Variants in PTPN1 observed in about 807,000 individuals in gnomAD.
The protein encoded by PTPN1 is tyrosine-protein phosphatase non-receptor type 1.
In PTPN1, 12 loss-of-function variants were observed where a neutral mutation model predicts 59.9. That is an observed-to-expected ratio of 0.20 (90% CI 0.13 to 0.32). PTPN1 has a LOEUF of 0.32. Among genes scored for constraint, PTPN1 ranks in the 10% least tolerant of loss-of-function variants. The pLI is 1.00. For missense variants in PTPN1, 356 were observed against 549.2 expected, an observed-to-expected ratio of 0.65 and a Z score of 3.52; for synonymous variants, 178 against 203.6, an observed-to-expected ratio of 0.87 and a Z score of 1.07.
chr20:50,580,453 A>T (rs1019449879), intron 8 of PTPN1, among the ~76,000 whole-genome samples: 2 of 152,202 alleles, frequency 1.3e-5, no homozygotes, highest in African/African-American at 4.8e-5. Flanking sequence ...GTTCTAGACC[A>T]TCTTGCTGGG....
At chr20:50,570,852 C>T (rs1568794140) in intron 4 of PTPN1, 1 of 152,334 alleles carries the variant, frequency 6.6e-6, no homozygotes, top group East Asian at 1.9e-4. Context: ...GTCTAGACTC[C>T]AGACTTTGTC....
chr20:50,525,325 T>C (rs969622930), intron 1 of PTPN1, among the ~76,000 whole-genome samples: 1 of 152,236 alleles, frequency 6.6e-6, no homozygotes, highest in Admixed American at 6.5e-5. Flanking sequence ...CCTCCCAAAG[T>C]GCTGGGATTA....
intron 1 of PTPN1, among the ~76,000 whole-genome samples, chr20:50,559,658 T>C (rs1335447203): frequency 6.6e-6 from 1 of 152,142 alleles, no homozygotes; most frequent in Non-Finnish European, 1.5e-5. Flanking sequence ...GTTTACTTTC[T>C]TGGGCAGGGG....
rs571453359 is a variant in PTPN1, at chr20:50,562,775, C to G, written c.154+1322C>G. ...ACCTTGGTGATTCTGCTGTGAAGTCCTGGCCAGAAACCTCCAGACCGCTGA... is the reference window on the plus strand; with the variant it reads ...ACCTTGGTGATTCTGCTGTGAAGTCGTGGCCAGAAACCTCCAGACCGCTGA... On this transcript the variant is annotated intron_variant, in intron 2 of 9. Coordinates refer to ENST00000371621, the MANE Select transcript of PTPN1 (RefSeq NM_002827.4). Among the ~76,000 whole-genome samples, 9 of 152,272 alleles carry G rather than the reference C, an allele frequency of 5.9e-5. No homozygotes were observed. The East Asian group carries it at 1.7e-3, about 29-fold the overall frequency.
At chr20:50,519,780 C>T (rs6063530) in intron 1 of PTPN1, among the ~76,000 whole-genome samples, 3,579 of 152,134 alleles carry the variant, frequency 0.024, 123 homozygotes, top group African/African-American at 0.078. Context: ...AAAGGTATAG[C>T]GAAGTTAAAG....
At chr20:50,546,976 G>A (rs1215713449) in intron 1 of PTPN1, among the ~76,000 whole-genome samples, 1 of 152,188 alleles carries the variant, frequency 6.6e-6, no homozygotes, top group African/African-American at 2.4e-5. Context: ...CAAAACAGAA[G>A]TGAAAGTAGA....
chr20:50,525,313 G>A (rs1255043873), intron 1 of PTPN1, among the ~76,000 whole-genome samples: 7 of 150,898 alleles, frequency 4.6e-5, no homozygotes, highest in East Asian at 2.0e-4. Flanking sequence ...CGCCCGCCTC[G>A]GCCTCCCAAA....
rs2082501383 is a variant in PTPN1 at position 50,510,498 on chromosome 20, A to G, written c.-30A>G. On this transcript the variant is annotated 5_prime_UTR_variant, in exon 1 of 10. Coordinates refer to ENST00000371621, the MANE Select transcript of PTPN1 (RefSeq NM_002827.4). ...GCGGCAGACGGCGCAGTGGGCCGAG[A>G]AGGAGGCGCAGCAGCCGCCCTGGCC... 2 of 1,547,616 alleles carry G rather than the reference A, an allele frequency of 1.3e-6. No individual in the cohort carries two copies. The highest frequency in any genetic ancestry group is 8.7e-7 in the Non-Finnish European group (1 of 1,145,294).
At chr20:50,526,963 C>T (rs2082578973) in intron 1 of PTPN1, among the ~76,000 whole-genome samples, 1 of 152,334 alleles carries the variant, frequency 6.6e-6, no homozygotes, top group South Asian at 2.1e-4. Flanking sequence ...ATCTGTCTCC[C>T]CCAGCATCTG....
chr20:50,560,976 T>C (rs908680554), intron 1 of PTPN1, among the ~76,000 whole-genome samples: 6 of 152,178 alleles, frequency 3.9e-5, no homozygotes, highest in Admixed American at 3.9e-4. Context: ...CTCCCAGGCC[T>C]GGCATTCAAG....
chr20:50,536,124 C>G lies in PTPN1; in HGVS notation c.64-25239C>G, dbSNP rs534257031. On this transcript the variant is annotated intron_variant, in intron 1 of 9. Coordinates refer to ENST00000371621, the MANE Select transcript of PTPN1 (RefSeq NM_002827.4). Reference sequence around the variant, plus strand: ...TTAGTCACCACATAAGATGGGATACCTCCATAAATCCTTCAGAAATGTTTG... The same window carrying G: ...TTAGTCACCACATAAGATGGGATACGTCCATAAATCCTTCAGAAATGTTTG... 2.0e-5 allele frequency among the ~76,000 whole-genome samples: 3 copies of G among 152,246 alleles called. No individual in the cohort carries two copies. The East Asian group carries it at 5.8e-4, about 29-fold the overall frequency.
In PTPN1 at chr20:50,531,384, G is replaced by A. The variant is rs138306818; in HGVS notation, c.63+20794G>A. On this transcript the variant is annotated intron_variant, in intron 1 of 9. Coordinates refer to ENST00000371621, the MANE Select transcript of PTPN1 (RefSeq NM_002827.4). ...TGTTGGTGGGAGTCTTTTTTTGTTT[G>A]TTTGTTTTTTGAGACTGAGTCTCGC... Among the ~76,000 whole-genome samples, 30 of 152,084 alleles carry A rather than the reference G, an allele frequency of 2.0e-4. 1 individual carries two copies. The East Asian group carries it at 5.6e-3, about 28-fold the overall frequency.
intron 1 of PTPN1, among the ~76,000 whole-genome samples, chr20:50,539,916 T>TA (rs1341300476): frequency 6.6e-6 from 1 of 152,026 alleles, no homozygotes; most frequent in Non-Finnish European, 1.5e-5. Flanking sequence ...AATCTTGAAT[T>TA]AGAGTTTTCC....
intron 2 of PTPN1, 141 bp downstream of exon 2, chr20:50,561,594 A>T: frequency 1.9e-6 from 1 of 533,394 alleles, no homozygotes; most frequent in South Asian, 3.1e-5. Context: ...TCCTATAGTA[A>T]AGGCATTAGA....
intron 8 of PTPN1, among the ~76,000 whole-genome samples, 192 bp downstream of exon 8, chr20:50,580,118 G>C (rs564312688): frequency 9.2e-4 from 140 of 152,348 alleles, no homozygotes; most frequent in Non-Finnish European, 5.4e-4. Flanking sequence ...TTGGGCACAG[G>C]GTGGCCGCAG....
chr20:50,535,049 A>G (rs2082618450), intron 1 of PTPN1, among the ~76,000 whole-genome samples: 1 of 152,044 alleles, frequency 6.6e-6, no homozygotes, highest in Non-Finnish European at 1.5e-5. Context: ...CTTGGGATGT[A>G]TGTCTGAAAC....
At chr20:50,515,905 A>G (rs1352123737) in intron 1 of PTPN1, among the ~76,000 whole-genome samples, 1 of 152,210 alleles carries the variant, frequency 6.6e-6, no homozygotes, top group Non-Finnish European at 1.5e-5. Flanking sequence ...CTAATGAGGT[A>G]ATTTAGTATT....
At chr20:50,578,343 C>T in intron 5 of PTPN1, 77 bp from the exon 6 acceptor site, 1 of 1,262,102 alleles carries the variant, frequency 7.9e-7, no homozygotes, top group Non-Finnish European at 1.1e-6. Flanking sequence ...TGGAAGGTGA[C>T]TCTGTGTGTA....
intron 1 of PTPN1, among the ~76,000 whole-genome samples, chr20:50,543,775 A>G (rs1287099088): frequency 6.6e-6 from 1 of 152,228 alleles, no homozygotes; most frequent in African/African-American, 2.4e-5. Context: ...AAGACTTTCT[A>G]CTTTTAGAAG....
Sources: gnomAD v4.1 joint callset for allele counts (sites outside exome capture counted in the v4.1 genomes callset) on GRCh38, gnomAD v4.1.1 for gene constraint, MANE v1.5 for transcripts, NCBI Gene and HGNC (gene_info 2026-07-23, HGNC 2026-07-21) for gene names.